Variants in DCDC1 observed in about 807,000 individuals in gnomAD.
The protein encoded by DCDC1 is doublecortin domain containing 1.
A neutral mutation model predicts 178.3 loss-of-function variants in DCDC1; 200 were observed. The observed-to-expected ratio is 1.12, with a 90% confidence interval of 1.00 to 1.26. The LOEUF is 1.26. Ranked by LOEUF, DCDC1 falls within the 50% of genes most tolerant of loss-of-function variation. The pLI, the probability that DCDC1 is intolerant of heterozygous loss-of-function variation, is 0.00. For synonymous variants in DCDC1, 690 were observed against 604.8 expected (o/e 1.14, Z -2.07); for missense variants, 1,983 against 1,749.2 (o/e 1.13, Z -2.38).
chr11:30,869,480 T>C (rs572545141), intron 38 of DCDC1, among the ~76,000 whole-genome samples: 1 of 152,326 alleles, frequency 6.6e-6, no homozygotes, highest in South Asian at 2.1e-4. Flanking sequence ...ACGCCTGCTA[T>C]GTAGTAAGGG....
intron 6 of DCDC1, among the ~76,000 whole-genome samples, chr11:31,294,712 GAGGA>G (rs1384681219): frequency 1.1e-4 from 8 of 74,290 alleles, no homozygotes; most frequent in Non-Finnish European, 2.3e-4. Flanking sequence ...AAGAGAGAGG[GAGGA>G]AGGAAGGAAG....
intron 38 of DCDC1, among the ~76,000 whole-genome samples, chr11:30,873,751 T>G (rs569631849): frequency 6.6e-6 from 1 of 152,302 alleles, no homozygotes; most frequent in Admixed American, 6.5e-5. Context: ...GCTCTCCTTC[T>G]TTGTACATAT....
At position 31,322,169 on chromosome 11, in the gene DCDC1, A is replaced by G. The variant is rs148480822; in HGVS notation, c.164+5948T>C. Among the ~76,000 whole-genome samples the G allele has an allele frequency of 3.0e-3, 450 of 152,334 alleles. 2 individuals carry two copies. The highest frequency in any genetic ancestry group is 1.0e-2 in the African/African-American group (415 of 41,582). ...GTAAGATCCTTGTTTTACATCTGCT[A>G]CATTTCCACAGGAACTCAATCAGTG... is the stretch of plus-strand genomic sequence containing the variant. On this transcript the variant is annotated intron_variant, in intron 3 of 38. Coordinates refer to ENST00000684477, the MANE Select transcript of DCDC1 (RefSeq NM_001387274.1).
intron 9 of DCDC1, among the ~76,000 whole-genome samples, chr11:31,156,684 T>G (rs1348038739): frequency 6.6e-6 from 1 of 152,150 alleles, no homozygotes; most frequent in Non-Finnish European, 1.5e-5. Context: ...ATGTCAAGCA[T>G]AGCCCAGGGA....
At chr11:30,866,153 A>G (rs1940956799) in intron 38 of DCDC1, among the ~76,000 whole-genome samples, 1 of 152,240 alleles carries the variant, frequency 6.6e-6, no homozygotes, top group Non-Finnish European at 1.5e-5. Context: ...ATAAATATGA[A>G]GGCAGGGATT....
chr11:31,198,452 C>T (rs1000221253), intron 9 of DCDC1, among the ~76,000 whole-genome samples: 13 of 151,922 alleles, frequency 8.6e-5, no homozygotes, highest in Non-Finnish European at 1.8e-4. Context: ...TACCCCTTTG[C>T]ACACTTTCAA....
chr11:30,904,494 T>A (rs928258282), intron 31 of DCDC1: 1 of 170,778 alleles, frequency 5.9e-6, no homozygotes. Context: ...GACCAGGTAG[T>A]TCCTCCTAAC....
At chr11:31,323,429 T>C (rs1171455338) in intron 3 of DCDC1, among the ~76,000 whole-genome samples, 1 of 152,210 alleles carries the variant, frequency 6.6e-6, no homozygotes. Flanking sequence ...ACTTACAATA[T>C]GAAATGAAGT....
chr11:31,176,280 T>C (rs992439709), intron 9 of DCDC1, among the ~76,000 whole-genome samples: 5 of 152,180 alleles, frequency 3.3e-5, no homozygotes, highest in Non-Finnish European at 4.4e-5. Flanking sequence ...AGAGTTTCAA[T>C]AGCAGGCTAG....
intron 7 of DCDC1, 51 bp downstream of exon 7, chr11:31,290,596 C>T (rs748836247): frequency 1.3e-6 from 2 of 1,514,826 alleles, no homozygotes; most frequent in Admixed American, 4.1e-5. Flanking sequence ...ATTTCAACAG[C>T]CACAAAACTT....
intron 21 of DCDC1, among the ~76,000 whole-genome samples, chr11:30,946,654 A>G (rs1948074194): frequency 6.6e-6 from 1 of 152,172 alleles, no homozygotes; most frequent in East Asian, 1.9e-4. Flanking sequence ...CATGATTTTT[A>G]AGAGGAAAGA....
chr11:30,975,132 T>A lies in DCDC1; in HGVS notation c.2592-22564A>T, dbSNP rs1041229983. ...ATGAGGTACAAAAACTGTAAGATTATCTCAATAGACACAGAAAAAGCATTT... is the reference window on the plus strand; with the variant it reads ...ATGAGGTACAAAAACTGTAAGATTAACTCAATAGACACAGAAAAAGCATTT... On this transcript the variant is annotated intron_variant, in intron 20 of 38. Coordinates refer to ENST00000684477, the MANE Select transcript of DCDC1 (RefSeq NM_001387274.1). Among the ~76,000 whole-genome samples the A allele has an allele frequency of 2.6e-5, 4 of 152,024 alleles. No homozygotes were observed. In the South Asian group the frequency reaches 8.3e-4, roughly 31 times the overall value.
At chr11:31,081,059 G>A (rs80264094) in intron 17 of DCDC1, among the ~76,000 whole-genome samples, 2,283 of 152,224 alleles carry the variant, frequency 0.015, 46 homozygotes, top group African/African-American at 0.052. Flanking sequence ...CAGAAAAGAT[G>A]TCCACCAAGC....
chr11:31,308,558 G>A (rs1319237485), intron 3 of DCDC1, among the ~76,000 whole-genome samples: 2 of 152,138 alleles, frequency 1.3e-5, no homozygotes, highest in African/African-American at 4.8e-5. Context: ...TTTTGGCACT[G>A]AGGGTCACAC....
chr11:31,308,835 G>A (rs2761590), intron 3 of DCDC1, among the ~76,000 whole-genome samples: 1 of 151,938 alleles, frequency 6.6e-6, no homozygotes, highest in African/African-American at 2.4e-5. Flanking sequence ...CAGGTTCCAT[G>A]TATTACCATA....
intron 20 of DCDC1, among the ~76,000 whole-genome samples, chr11:30,965,327 T>C (rs1160515573): frequency 2.0e-5 from 3 of 152,072 alleles, no homozygotes; most frequent in Non-Finnish European, 4.4e-5. Context: ...CTCCATATCA[T>C]ACCACAAAAG....
At chr11:31,251,918 A>G (rs1038752252) in intron 8 of DCDC1, among the ~76,000 whole-genome samples, 2 of 152,170 alleles carry the variant, frequency 1.3e-5, no homozygotes, top group Non-Finnish European at 2.9e-5. Flanking sequence ...CAGTAATACT[A>G]AGTAAAGATA....
intron 6 of DCDC1, among the ~76,000 whole-genome samples, chr11:31,294,607 AG>A (rs1947472655): frequency 1.0e-4 from 2 of 19,812 alleles, no homozygotes; most frequent in Non-Finnish European, 2.0e-4. Context: ...TGGGGAGGGG[AG>A]GGGAGGGGAG....
At chr11:31,138,130 T>C (rs550313459) in intron 9 of DCDC1, among the ~76,000 whole-genome samples, 5 of 152,316 alleles carry the variant, frequency 3.3e-5, no homozygotes, top group Non-Finnish European at 1.5e-5. Context: ...TTCTATTAAA[T>C]CCTTTCATTA....
Sources: gnomAD v4.1 joint callset for allele counts (sites outside exome capture counted in the v4.1 genomes callset) on GRCh38, gnomAD v4.1.1 for gene constraint, MANE v1.5 for transcripts, NCBI Gene and HGNC (gene_info 2026-07-23, HGNC 2026-07-21) for gene names.